Variants in MALRD1 observed in about 807,000 individuals in gnomAD.
MALRD1 encodes MAM and LDL receptor class A domain containing 1.
In MALRD1, 247 loss-of-function variants were observed where a neutral mutation model predicts 242.1. That is an observed-to-expected ratio of 1.02 (90% CI 0.92 to 1.13). MALRD1 has a LOEUF of 1.13. Ranked by LOEUF, MALRD1 falls within the 50% of genes most tolerant of loss-of-function variation. The pLI is 0.00. For missense variants in MALRD1, 2,989 were observed against 2,533.1 expected (o/e 1.18, Z -3.86); for synonymous variants, 995 against 866.6 (o/e 1.15, Z -2.60).
chr10:19,431,324 A>G (rs767469978), intron 28 of MALRD1, among the ~76,000 whole-genome samples: 2 of 151,474 alleles, frequency 1.3e-5, no homozygotes, highest in East Asian at 3.9e-4. Flanking sequence ...TTTTTTCAGT[A>G]TATCTTTCTA....
At chr10:19,317,172 CAT>C (rs1588900479) in intron 21 of MALRD1, among the ~76,000 whole-genome samples, 1 of 151,802 alleles carries the variant, frequency 6.6e-6, no homozygotes, top group Non-Finnish European at 1.5e-5. Context: ...AAACAACAAA[CAT>C]ATATTTCTCA....
intron 4 of MALRD1, among the ~76,000 whole-genome samples, chr10:19,103,554 A>AAAAAAAT (rs1836349196): frequency 6.9e-6 from 1 of 145,464 alleles, no homozygotes; most frequent in South Asian, 2.1e-4. Context: ...TCCGTCTCAA[A>AAAAAAAT]AAAAAAAAAA....
intron 29 of MALRD1, among the ~76,000 whole-genome samples, chr10:19,463,147 T>A (rs1011626467): frequency 5.3e-5 from 8 of 152,096 alleles, no homozygotes; most frequent in Admixed American, 1.3e-4. Context: ...GTAATTTCTT[T>A]TATTTTTAAA....
At chr10:19,169,288 T>A (rs1226874742) in intron 13 of MALRD1, among the ~76,000 whole-genome samples, 1 of 152,182 alleles carries the variant, frequency 6.6e-6, no homozygotes, top group East Asian at 1.9e-4. Context: ...GATAAGGAAC[T>A]GTGGACTTGC....
chr10:19,048,830 A>T lies in MALRD1; in HGVS notation c.-109A>T. 1.2e-6 allele frequency: 1 copy of T among 810,972 alleles called. No homozygotes were observed. The highest frequency in any genetic ancestry group is 1.7e-6 in the Non-Finnish European group (1 of 603,506). The allele number at this position is 810,972 out of a possible 1,614,324, so 50.2% of individuals were successfully genotyped here. A position where few individuals can be genotyped will look rare whatever the true frequency, so the allele number is the denominator to read the frequency against. ...TTGCAGATAGTTACCAATAGTATCC[A>T]GTTATAAGAAGCAAATCTGGGAAAG... On this transcript the variant is annotated 5_prime_UTR_variant, in exon 1 of 40. Coordinates refer to ENST00000454679, the MANE Select transcript of MALRD1 (RefSeq NM_001142308.3).
chr10:19,166,130 A>G (rs1588638937), intron 13 of MALRD1, among the ~76,000 whole-genome samples: 1 of 152,262 alleles, frequency 6.6e-6, no homozygotes, highest in Non-Finnish European at 1.5e-5. Context: ...TAAGAAATGA[A>G]TAAGATGGCA....
At chr10:19,331,759 T>G (rs147173110) in intron 24 of MALRD1, among the ~76,000 whole-genome samples, 177 bp downstream of exon 24, 17 of 152,322 alleles carry the variant, frequency 1.1e-4, no homozygotes, top group Non-Finnish European at 1.9e-4. Flanking sequence ...TAATCATAAT[T>G]CATTTACAAC....
At chr10:19,306,326 A>G (rs1842196129) in intron 21 of MALRD1, among the ~76,000 whole-genome samples, 1 of 139,478 alleles carries the variant, frequency 7.2e-6, no homozygotes, top group South Asian at 2.1e-4. Flanking sequence ...TATAGTATAT[A>G]TAGTGTCGTA....
intron 38 of MALRD1, among the ~76,000 whole-genome samples, chr10:19,704,322 C>A (rs1306880132): frequency 6.6e-6 from 1 of 152,102 alleles, no homozygotes. Context: ...AGTCTAAGAT[C>A]CAGGAACTGG....
At chr10:19,617,592 G>A (rs929265424) in intron 36 of MALRD1, among the ~76,000 whole-genome samples, 1 of 151,894 alleles carries the variant, frequency 6.6e-6, no homozygotes, top group Non-Finnish European at 1.5e-5. Context: ...GGGTTGTCAT[G>A]AGTCTTTTTA....
At chr10:19,727,632 T>G (rs1835094763) in intron 38 of MALRD1, among the ~76,000 whole-genome samples, 1 of 152,182 alleles carries the variant, frequency 6.6e-6, no homozygotes, top group African/African-American at 2.4e-5. Context: ...GTCAGTTCCT[T>G]TATCATCATT....
chr10:19,202,955 T>C (rs1000800377), intron 14 of MALRD1, among the ~76,000 whole-genome samples: 1 of 152,198 alleles, frequency 6.6e-6, no homozygotes, highest in African/African-American at 2.4e-5. Context: ...TGTCTTCTTT[T>C]GTAAAATAAC....
chr10:19,310,905 C>T (rs935309541), intron 21 of MALRD1, among the ~76,000 whole-genome samples: 4 of 151,390 alleles, frequency 2.6e-5, no homozygotes, highest in South Asian at 4.1e-4. Flanking sequence ...ACTTAACTCC[C>T]GCATGAGTCT....
At chr10:19,549,503 C>T (rs1184964746) in intron 32 of MALRD1, among the ~76,000 whole-genome samples, 1 of 152,166 alleles carries the variant, frequency 6.6e-6, no homozygotes, top group Non-Finnish European at 1.5e-5. Context: ...TAAGACCCTT[C>T]ACCAGCAAGA....
rs139427302 is a variant in MALRD1, at chr10:19,051,082, G to A, written c.199+1945G>A. Among the ~76,000 whole-genome samples the A allele has an allele frequency of 6.7e-3, 1,013 of 152,196 alleles. 6 individuals are homozygous for A. Among genetic ancestry groups the A allele is most frequent in the Middle Eastern group, 0.027 (8 of 294 alleles). On this transcript the variant is annotated intron_variant, in intron 1 of 39. Transcript: ENST00000454679. ...TCATTTCTGAGAAGTTTCCACTTTG[G>A]CATTTTATTTAAAATGTGGGTGAGA...
At chr10:19,524,591 A>G (rs1834017902) in intron 31 of MALRD1, among the ~76,000 whole-genome samples, 2 of 152,336 alleles carry the variant, frequency 1.3e-5, no homozygotes, top group South Asian at 4.1e-4. Context: ...AGAGACAGGC[A>G]GAAATTATGG....
At chr10:19,616,286 A>G (rs1305505104) in intron 36 of MALRD1, among the ~76,000 whole-genome samples, 2 of 151,686 alleles carry the variant, frequency 1.3e-5, no homozygotes, top group Non-Finnish European at 2.9e-5. Flanking sequence ...TTCTCTTTTC[A>G]TTTCAATGTT....
At chr10:19,136,867 C>A in intron 10 of MALRD1, 86 bp downstream of exon 10, 1 of 905,152 alleles carries the variant, frequency 1.1e-6, no homozygotes, top group Non-Finnish European at 1.4e-6. Flanking sequence ...TCTATCAAGG[C>A]AAAGGTAAGT....
chr10:19,281,915 A>G (rs1840830507), intron 20 of MALRD1, among the ~76,000 whole-genome samples: 1 of 147,350 alleles, frequency 6.8e-6, no homozygotes, highest in African/African-American at 2.5e-5. Flanking sequence ...GGGAGCCGAG[A>G]TCGTGCCAAT....
Sources: allele counts gnomAD v4.1 joint callset (sites outside exome capture counted in the v4.1 genomes callset), GRCh38; gene constraint gnomAD v4.1.1; transcripts MANE v1.5; gene names NCBI Gene and HGNC (gene_info 2026-07-23, HGNC 2026-07-21).